Variants in ADCY1 observed in about 807,000 individuals in gnomAD.
The protein encoded by ADCY1 is adenylate cyclase 1, also known as adenylate cyclase type 1.
ADCY1 carries 28 observed loss-of-function variants against 105.4 expected under a neutral mutation model. That is an observed-to-expected ratio of 0.27 (90% confidence interval 0.20 to 0.36). The LOEUF is 0.36. Ranked by LOEUF, ADCY1 falls within the 10% of genes least tolerant of loss-of-function variation. The pLI is 1.00. For synonymous variants in ADCY1, 655 were observed against 623.8 expected (o/e 1.05, Z -0.75); for missense variants, 977 against 1,434.2 (o/e 0.68, Z 5.15).
chr7:45,588,515 A>C (rs1410259835), intron 1 of ADCY1, among the ~76,000 whole-genome samples: 1 of 152,214 alleles, frequency 6.6e-6, no homozygotes, highest in Non-Finnish European at 1.5e-5. Flanking sequence ...AAACGTTTGC[A>C]TATGTACCCA....
At chr7:45,675,280 T>A (rs926542867) in intron 8 of ADCY1, among the ~76,000 whole-genome samples, 1 of 152,164 alleles carries the variant, frequency 6.6e-6, no homozygotes, top group African/African-American at 2.4e-5. Flanking sequence ...TTTAACAAGT[T>A]TAGTGTAGAA....
intron 14 of ADCY1, among the ~76,000 whole-genome samples, chr7:45,701,247 G>A (rs1784989092): frequency 6.6e-6 from 1 of 152,066 alleles, no homozygotes; most frequent in Non-Finnish European, 1.5e-5. Context: ...TGCTTGGTTC[G>A]TGAAAATAAG....
chr7:45,618,715 A>G (rs1793809461), intron 3 of ADCY1, among the ~76,000 whole-genome samples: 1 of 152,196 alleles, frequency 6.6e-6, no homozygotes, highest in Non-Finnish European at 1.5e-5. Flanking sequence ...ACAAAAAAGC[A>G]AATACTGATG....
chr7:45,634,328 C>T (rs757127272), intron 4 of ADCY1, among the ~76,000 whole-genome samples: 8 of 151,868 alleles, frequency 5.3e-5, no homozygotes, highest in Non-Finnish European at 1.0e-4. Context: ...TAGGGGAAGG[C>T]ATTCTGTCTT....
rs867647481 is a variant in ADCY1, at chr7:45,703,805, T to C, written c.2718+59T>C. On this transcript the variant is annotated intron_variant, in intron 16 of 19. Coordinates refer to ENST00000297323, the MANE Select transcript of ADCY1 (RefSeq NM_021116.4). This position sits in a 1 kb window ranked among gnomAD's most constrained non-coding sequence, Gnocchi z 5.9. ...GGTTGTGGTGGTGCATCCTGTTGCG[T>C]GGGCAGAGCGTGTCTCACAATATGT... is the stretch of plus-strand genomic sequence containing the variant. 1.3e-6 allele frequency: 2 copies of C among 1,516,384 alleles called. No individual in the cohort carries two copies. The highest frequency in any genetic ancestry group is 1.8e-4 in the Middle Eastern group (1 of 5,600). The allele number at this position is 1,516,384 out of a possible 1,614,324, so 93.9% of individuals were successfully genotyped here. A position where few individuals can be genotyped will look rare whatever the true frequency, so the allele number is the denominator to read the frequency against.
At chr7:45,630,710 T>G (rs1794221975) in intron 4 of ADCY1, among the ~76,000 whole-genome samples, 1 of 152,198 alleles carries the variant, frequency 6.6e-6, no homozygotes, top group Non-Finnish European at 1.5e-5. Flanking sequence ...TCCTGCCTCA[T>G]TTTTATAAGG....
chr7:45,614,432 C>T (rs1793680361), intron 3 of ADCY1, among the ~76,000 whole-genome samples: 1 of 151,990 alleles, frequency 6.6e-6, no homozygotes, highest in African/African-American at 2.4e-5. Context: ...CACATCAAAG[C>T]AAAAACATTA....
At chr7:45,676,372 A>C (rs1784456191) in intron 8 of ADCY1, among the ~76,000 whole-genome samples, 1 of 152,058 alleles carries the variant, frequency 6.6e-6, no homozygotes, top group Non-Finnish European at 1.5e-5. Context: ...GTATCTGTTG[A>C]TTATCTTTCT....
intron 14 of ADCY1, among the ~76,000 whole-genome samples, chr7:45,689,233 G>A (rs1434165866): frequency 6.6e-6 from 1 of 152,068 alleles, no homozygotes; most frequent in Non-Finnish European, 1.5e-5. Flanking sequence ...GGCAGAACAG[G>A]CCCTAATTCC....
rs1167294057 is a variant in ADCY1, at chr7:45,715,894, A to G, written c.*1899A>G. 1 of 152,324 alleles carries G rather than the reference A, an allele frequency of 6.6e-6. No homozygotes were observed. Among genetic ancestry groups the G allele is most frequent in the Non-Finnish European group, 1.5e-5 (1 of 68,184 alleles). 9.4% of individuals were successfully genotyped at this position (152,324 alleles called of 1,614,324 possible). ...CTTCTGTGATGGTGCAAGAGGCAGG[A>G]TGGTCTCCAGACACCTTCTTGCAGA... is the stretch of plus-strand genomic sequence containing the variant. On this transcript the variant is annotated 3_prime_UTR_variant, in exon 20 of 20. Transcript: ENST00000297323.
chr7:45,680,387 A>ACTAT (rs1163738736), intron 11 of ADCY1: 1 of 163,296 alleles, frequency 6.1e-6, no homozygotes, highest in Non-Finnish European at 1.4e-5. Flanking sequence ...GCGGCCTTGT[A>ACTAT]CTATCTGTGG....
chr7:45,711,609 A>C (rs540521115), intron 19 of ADCY1, among the ~76,000 whole-genome samples: 2 of 8,956 alleles, frequency 2.2e-4, no homozygotes, highest in Admixed American at 1.6e-3. Context: ...TTCGTGCTGT[A>C]TATATATATA....
chr7:45,605,535 A>G (rs542171714), intron 2 of ADCY1, among the ~76,000 whole-genome samples: 1 of 151,676 alleles, frequency 6.6e-6, no homozygotes, highest in African/African-American at 2.4e-5. Context: ...GAATTTTGTC[A>G]AATTCTTTTT....
In ADCY1 at chr7:45,613,545, A is replaced by G. The variant is rs192956895; in HGVS notation, c.908+3048A>G. 3.1e-3 allele frequency among the ~76,000 whole-genome samples: 470 copies of G among 152,280 alleles called. 3 individuals carry two copies. Among genetic ancestry groups the G allele is most frequent in the African/African-American group, 0.01 (430 of 41,560 alleles). Reference sequence around the variant, plus strand: ...TGTACACACAACACATACACATTATATATATATTTTCATCATATATTACAT... The same window carrying G: ...TGTACACACAACACATACACATTATGTATATATTTTCATCATATATTACAT... On this transcript the variant is annotated intron_variant, in intron 3 of 19. Coordinates refer to ENST00000297323, the MANE Select transcript of ADCY1 (RefSeq NM_021116.4).
At position 45,721,931 on chromosome 7, in the gene ADCY1, A is replaced by G. The variant is rs1785482019; in HGVS notation, c.*7936A>G. ...AATAGCCTAGATGAACTCCCAAGAGATCTATTAAATCTTGTGGGCTGAATA... is the reference window on the plus strand; with the variant it reads ...AATAGCCTAGATGAACTCCCAAGAGGTCTATTAAATCTTGTGGGCTGAATA... On this transcript the variant is annotated 3_prime_UTR_variant, in exon 20 of 20. Transcript: ENST00000297323. 5.0e-6 allele frequency: 2 copies of G among 398,212 alleles called. No individual in the cohort carries two copies. The highest frequency in any genetic ancestry group is 7.1e-5 in the East Asian group (2 of 28,072). The allele number at this position is 398,212 out of a possible 1,614,324, so 24.7% of individuals were successfully genotyped here.
At position 45,574,760 on chromosome 7, in the gene ADCY1, G is replaced by A. The variant is rs544024276; in HGVS notation, c.217G>A (p.Gly73Ser). ...GCTGGCCGTTCTCAGCCTGCTGGCG[G>A]GCGCGCTGGCGCTGGCCGAGCTGCT... is the stretch of plus-strand genomic sequence containing the variant. ...KALAVLSLLA[G>S]ALALAELLGA... Residue 73 changes from glycine to serine, a missense_variant, in exon 1 of 20, where the codon GGC (glycine) becomes AGC (serine). By Grantham distance (56) the Gly-to-Ser change is moderately conservative (BLOSUM62 0). Coordinates refer to ENST00000297323, the MANE Select transcript of ADCY1 (RefSeq NM_021116.4). The surrounding 1 kb of genome is among the most constrained non-coding windows in gnomAD (Gnocchi z 7.0). 119 of 1,434,204 alleles carry A rather than the reference G, an allele frequency of 8.3e-5. No individual in the cohort carries two copies. The highest frequency in any genetic ancestry group is 1.1e-4 in the Non-Finnish European group (116 of 1,104,120). 88.8% of individuals were successfully genotyped at this position (1,434,204 alleles called of 1,614,324 possible). A position where few individuals can be genotyped will look rare whatever the true frequency, so the allele number is the denominator to read the frequency against.
At position 45,670,669 on chromosome 7, in the gene ADCY1, G is replaced by A. The variant is rs114669863; in HGVS notation, c.1606-7200G>A. On this transcript the variant is annotated intron_variant, in intron 8 of 19. Transcript: ENST00000297323. The stretch of plus-strand genomic sequence containing the variant: ...GTGTCCATCATTTTCTCACCTGAGG[G>A]TGGACCTGTGCCCATCAGCCCTGAC... Among the ~76,000 whole-genome samples the A allele has an allele frequency of 2.7e-3, 409 of 151,504 alleles. 4 individuals are homozygous for A. The highest frequency in any genetic ancestry group is 9.3e-3 in the African/African-American group (383 of 41,258).
In ADCY1 at chr7:45,686,093, G is replaced by C. The variant is rs1452531543; in HGVS notation, c.2205G>C (p.Leu735=). Reference sequence around the variant, plus strand: ...CACACCATGCCCTGCTCTGCTGCCTGGTGGGCACCCTCCCGCTAGCCATAT... The same window carrying C: ...CACACCATGCCCTGCTCTGCTGCCTCGTGGGCACCCTCCCGCTAGCCATAT... ...ESTHHALLCC[L]VGTLPLAIFF... Residue 735 remains leucine, a synonymous_variant, in exon 13 of 20, where the codon CTG becomes CTC. Transcript: ENST00000297323. This position sits in a 1 kb window ranked among gnomAD's most constrained non-coding sequence, Gnocchi z 4.3. 1.9e-6 allele frequency: 3 copies of C among 1,614,016 alleles called. No homozygotes were observed. The highest frequency in any genetic ancestry group is 2.5e-6 in the Non-Finnish European group (3 of 1,180,024).
intron 8 of ADCY1, among the ~76,000 whole-genome samples, chr7:45,665,111 C>CA (rs1161600535): frequency 6.6e-6 from 1 of 152,188 alleles, no homozygotes; most frequent in Non-Finnish European, 1.5e-5. Flanking sequence ...GACATGAACT[C>CA]ATTCTTTTTT....
Sources: gnomAD v4.1 joint callset for allele counts (sites outside exome capture counted in the v4.1 genomes callset) on GRCh38, gnomAD v4.1.1 for gene constraint, Gnocchi (gnomAD v3.1) non-coding constraint, MANE v1.5 for transcripts, NCBI Gene and HGNC (gene_info 2026-07-23, HGNC 2026-07-21) for gene names.